Variants in UST observed in about 807,000 individuals in gnomAD.
The protein encoded by UST is chondroitin sulfate 2-O-sulfotransferase.
Under a neutral mutation model 45.6 loss-of-function variants are expected in UST, and 21 were observed. That is an observed-to-expected ratio of 0.46 (90% CI 0.33 to 0.66). The LOEUF is 0.66. Among genes scored for constraint, UST ranks in the 30% least tolerant of loss-of-function variants. UST has a pLI of 0.02. For missense variants in UST, 463 were observed against 512.4 expected, an observed-to-expected ratio of 0.90 and a Z score of 0.93; for synonymous variants, 215 against 200.6, an observed-to-expected ratio of 1.07 and a Z score of -0.61.
intron 1 of UST, among the ~76,000 whole-genome samples, chr6:148,877,380 TC>T (rs1778689598): frequency 4.3e-5 from 1 of 23,196 alleles, no homozygotes; most frequent in Non-Finnish European, 7.0e-5. Flanking sequence ...AGTGGGGGGG[TC>T]GTGTATGAGT....
In UST at chr6:148,946,813, CAAAA is replaced by C. The variant is rs60990121; in HGVS notation, c.447+5405_447+5408del. 7.7e-3 allele frequency among the ~76,000 whole-genome samples: 438 copies of C among 56,742 alleles called. 3 individuals are homozygous for C. The highest frequency in any genetic ancestry group is 0.028 in the African/African-American group (285 of 10,126). 37.2% of individuals were successfully genotyped at this position (56,742 alleles called of 152,430 possible). On this transcript the variant is annotated intron_variant, in intron 3 of 7. Transcript: ENST00000367463. ...TGGGCGACAGAGCGAGACTCCATCC[CAAAA>C]AAAAAAAAAAAAAAAAAAAAAAAAA...
chr6:149,024,200 G>C (rs929553348), intron 7 of UST, among the ~76,000 whole-genome samples: 1 of 152,102 alleles, frequency 6.6e-6, no homozygotes, highest in Non-Finnish European at 1.5e-5. Context: ...TGTTACCCCC[G>C]CCTTTTCCAA....
At chr6:148,931,485 G>A (rs915504904) in intron 2 of UST, among the ~76,000 whole-genome samples, 5 of 152,128 alleles carry the variant, frequency 3.3e-5, no homozygotes, top group East Asian at 3.8e-4. Context: ...TTGTAATTCC[G>A]TACTCTGGTC....
At chr6:148,867,007 C>A (rs1489673911) in intron 1 of UST, among the ~76,000 whole-genome samples, 1 of 152,000 alleles carries the variant, frequency 6.6e-6, no homozygotes, top group Non-Finnish European at 1.5e-5. Flanking sequence ...TCTAGTAAAA[C>A]CTCAGCTGTG....
At chr6:148,829,441 C>T (rs764273530) in intron 1 of UST, among the ~76,000 whole-genome samples, 2 of 152,150 alleles carry the variant, frequency 1.3e-5, no homozygotes, top group Admixed American at 6.5e-5. Flanking sequence ...GTGAAGCGGG[C>T]AGAGCACATG....
chr6:149,014,110 TGAG>T (rs1480622330), intron 5 of UST, among the ~76,000 whole-genome samples: 3 of 151,796 alleles, frequency 2.0e-5, no homozygotes, highest in East Asian at 1.9e-4. Context: ...CAGTGCAGAG[TGAG>T]GAGAAGGAGG....
chr6:148,795,656 A>G (rs1185921570), intron 1 of UST, among the ~76,000 whole-genome samples: 7 of 152,038 alleles, frequency 4.6e-5, no homozygotes, highest in Non-Finnish European at 1.5e-5. Flanking sequence ...GGGTTGTGGG[A>G]TGGGCGTGGG....
intron 5 of UST, among the ~76,000 whole-genome samples, chr6:148,988,955 G>GA (rs1010047428): frequency 2.0e-5 from 3 of 152,102 alleles, no homozygotes; most frequent in African/African-American, 7.2e-5. Flanking sequence ...TGCCAACAAG[G>GA]AGTGACCCAA....
At chr6:149,039,383 C>T (rs958389261) in intron 7 of UST, among the ~76,000 whole-genome samples, 1 of 152,082 alleles carries the variant, frequency 6.6e-6, no homozygotes, top group Non-Finnish European at 1.5e-5. Context: ...TGCACCACCA[C>T]GCCCAGCTAA....
intron 2 of UST, among the ~76,000 whole-genome samples, chr6:148,887,496 G>A (rs1778935073): frequency 6.6e-6 from 1 of 152,224 alleles, no homozygotes; most frequent in Admixed American, 6.5e-5. Flanking sequence ...TGGCCTGTGA[G>A]TCCACTTTTG....
intron 1 of UST, among the ~76,000 whole-genome samples, chr6:148,866,775 C>G (rs1778440940): frequency 6.6e-6 from 1 of 152,074 alleles, no homozygotes; most frequent in African/African-American, 2.4e-5. Flanking sequence ...GTTGTTTTTG[C>G]TTCAATGCCT....
intron 2 of UST, among the ~76,000 whole-genome samples, chr6:148,936,356 G>C (rs1369777696): frequency 1.3e-5 from 2 of 152,130 alleles, no homozygotes; most frequent in Non-Finnish European, 2.9e-5. Context: ...TTAGGAATCT[G>C]TGATCCACGG....
At chr6:148,779,525 T>C (rs541110900) in intron 1 of UST, among the ~76,000 whole-genome samples, 1 of 152,340 alleles carries the variant, frequency 6.6e-6, no homozygotes, top group South Asian at 2.1e-4. Flanking sequence ...ATTCCGGTCC[T>C]GGTCCTGCCT....
Position 148,748,016 on chromosome 6 carries a change from A to G in UST, c.247+339A>G, listed in dbSNP as rs1253998664. ...GTGTGGGGTGTGCCGGAGTGTGTGTATCTTCAGGCCTGGCGGCGCGGGGAG... is the reference window on the plus strand; with the variant it reads ...GTGTGGGGTGTGCCGGAGTGTGTGTGTCTTCAGGCCTGGCGGCGCGGGGAG... On this transcript the variant is annotated intron_variant, in intron 1 of 7. Transcript: ENST00000367463. The surrounding 1 kb of genome is among the most constrained non-coding windows in gnomAD (Gnocchi z 5.3). Among the ~76,000 whole-genome samples the G allele has an allele frequency of 2.0e-5, 3 of 152,070 alleles. No homozygotes were observed. The East Asian group carries it at 5.8e-4, about 30-fold the overall frequency.
chr6:148,825,735 G>A (rs1777556930), intron 1 of UST, among the ~76,000 whole-genome samples: 1 of 152,230 alleles, frequency 6.6e-6, no homozygotes. Context: ...CAAAGGAAGA[G>A]TTCTCAGCCT....
chr6:148,829,853 C>T (rs1279928737), intron 1 of UST, among the ~76,000 whole-genome samples: 2 of 152,152 alleles, frequency 1.3e-5, no homozygotes, highest in Non-Finnish European at 2.9e-5. Context: ...TTGGTCTGAC[C>T]TAGGGACTAT....
intron 2 of UST, among the ~76,000 whole-genome samples, chr6:148,912,471 G>A (rs1182251371): frequency 6.6e-6 from 1 of 152,222 alleles, no homozygotes; most frequent in East Asian, 1.9e-4. Context: ...AGAGTTTCAG[G>A]CCTTGTTGTT....
chr6:148,879,929 C>CTTTTTTCT (rs1452602315), intron 1 of UST, among the ~76,000 whole-genome samples: 5 of 137,748 alleles, frequency 3.6e-5, no homozygotes, highest in South Asian at 2.3e-4. Flanking sequence ...AGATATCTGA[C>CTTTTTTCT]TTTTCTTTTT....
chr6:149,003,772 A>G (rs953669678), intron 5 of UST, among the ~76,000 whole-genome samples: 3 of 152,214 alleles, frequency 2.0e-5, no homozygotes, highest in Admixed American at 6.5e-5. Flanking sequence ...CTGGAAGAGC[A>G]TTGAATCTGC....
Sources: gnomAD v4.1 joint callset for allele counts (sites outside exome capture counted in the v4.1 genomes callset) on GRCh38, gnomAD v4.1.1 for gene constraint, Gnocchi (gnomAD v3.1) non-coding constraint, MANE v1.5 for transcripts, NCBI Gene and HGNC (gene_info 2026-07-23, HGNC 2026-07-21) for gene names.